CFAP54: variants seen among roughly 807,000 people sequenced by gnomAD.
CFAP54 encodes cilia- and flagella-associated protein 54.
In CFAP54, 290 loss-of-function variants were observed where a neutral mutation model predicts 370.4. The ratio of observed to expected loss-of-function variants is 0.78; its 90% CI spans 0.71 to 0.86. The LOEUF (loss-of-function observed/expected upper bound fraction) is 0.86, where lower values mean the gene tolerates loss of function less well. Ranked by LOEUF, CFAP54 falls within the 40% of genes least tolerant of loss-of-function variation. The pLI is 0.00. For missense variants in CFAP54, 3,399 were observed against 3,528.7 expected (o/e 0.96, Z 0.93); for synonymous variants, 1,206 against 1,236.5 (o/e 0.98, Z 0.52).
At position 96,513,597 on chromosome 12, in the gene CFAP54, C is replaced by T. The variant is rs565116473; in HGVS notation, c.798+553C>T. ...CTTTACAAAAAATACAAAAATTAGCCGGACCTGGTGGCACATGCCTGTAGT... is the reference window on the plus strand; with the variant it reads ...CTTTACAAAAAATACAAAAATTAGCTGGACCTGGTGGCACATGCCTGTAGT... On this transcript the variant is annotated intron_variant, in intron 5 of 67. Coordinates refer to ENST00000524981, the MANE Select transcript of CFAP54 (RefSeq NM_001306084.2). Among the ~76,000 whole-genome samples, 12 of 152,186 alleles carry T rather than the reference C, an allele frequency of 7.9e-5. No individual in the cohort carries two copies. The South Asian group carries it at 1.9e-3, about 24-fold the overall frequency.
chr12:96,765,618 G>C (rs1026996525), intron 60 of CFAP54, among the ~76,000 whole-genome samples: 1 of 152,104 alleles, frequency 6.6e-6, no homozygotes, highest in African/African-American at 2.4e-5. Context: ...ATATATGTTT[G>C]ATTATGTGTT....
chr12:96,673,280 C>T (rs1480844999), intron 39 of CFAP54, among the ~76,000 whole-genome samples: 1 of 152,170 alleles, frequency 6.6e-6, no homozygotes, highest in Non-Finnish European at 1.5e-5. Flanking sequence ...TTTAATTACT[C>T]AATCCTTGAG....
chr12:96,747,793 A>C (rs1323218751), intron 55 of CFAP54, among the ~76,000 whole-genome samples: 1 of 152,200 alleles, frequency 6.6e-6, no homozygotes, highest in Non-Finnish European at 1.5e-5. Flanking sequence ...ATATATTTGA[A>C]ATAATGAAAT....
intron 60 of CFAP54, 114 bp downstream of exon 60, chr12:96,765,332 G>A: frequency 2.0e-6 from 2 of 999,344 alleles, no homozygotes; most frequent in South Asian, 3.4e-5. Context: ...GATAATGTTT[G>A]GGGGCACTTC....
chr12:96,492,666 T>C (rs1293585423), intron 1 of CFAP54, among the ~76,000 whole-genome samples: 6 of 152,242 alleles, frequency 3.9e-5, no homozygotes, highest in Non-Finnish European at 8.8e-5. Flanking sequence ...TAATAAACAT[T>C]CAATAAATAT....
chr12:96,626,776 T>G, intron 29 of CFAP54, 37 bp from the exon 30 acceptor site: 1 of 1,178,384 alleles, frequency 8.5e-7, no homozygotes, highest in Non-Finnish European at 1.1e-6. Flanking sequence ...TAATTGAGTA[T>G]ATTGTTAACT....
At chr12:96,490,635 T>A (rs1592809347) in intron 1 of CFAP54, among the ~76,000 whole-genome samples, 2 of 152,084 alleles carry the variant, frequency 1.3e-5, no homozygotes, top group African/African-American at 4.8e-5. Context: ...GAGGTTGCAG[T>A]GAGCTGGGAT....
At chr12:96,742,412 G>T in intron 51 of CFAP54, 27 bp from the exon 52 acceptor site, 1 of 1,515,300 alleles carries the variant, frequency 6.6e-7, no homozygotes, top group Non-Finnish European at 9.1e-7. Context: ...TAAATGGAAA[G>T]ATAACCATCA....
chr12:96,594,352 A>G lies in CFAP54; in HGVS notation c.3422A>G (p.Asn1141Ser). The change falls in exon 25 of 68, where the codon AAT (asparagine) becomes AGT (serine). Residue 1141 changes from asparagine (N) to serine (S), a missense_variant. By Grantham distance (46) the Asn-to-Ser change is conservative. Around this residue, in one of 3 missense-constraint regions of CFAP54, gnomAD observed 2,796 missense variants for 2,869.7 expected, o/e 0.97. Coordinates refer to ENST00000524981, the MANE Select transcript of CFAP54 (RefSeq NM_001306084.2). ...LVALELSNFL[N>S]DSSYALQAVT... The stretch of plus-strand genomic sequence containing the variant: ...GCATTGGAACTTAGCAACTTCCTAA[A>G]TGATTCCAGCTATGCCCTTCAAGCT... 6.5e-7 allele frequency: 1 copy of G among 1,534,700 alleles called. No homozygotes were observed. The highest frequency in any genetic ancestry group is 2.4e-5 in the East Asian group (1 of 40,880).
At position 96,844,132 on chromosome 12, in the gene CFAP54, C is replaced by T. The variant is rs570614302; in HGVS notation, c.9171+15044C>T. ...CATGTTGTGGTAGGTTGAACAATGG[C>T]GCTCCACAGTGGTCCACATCCTAAC... On this transcript the variant is annotated intron_variant, in intron 66 of 67. Transcript: ENST00000524981. Among the ~76,000 whole-genome samples, 391 of 152,260 alleles carry T rather than the reference C, an allele frequency of 2.6e-3. 1 individual carries two copies. The highest frequency in any genetic ancestry group is 9.1e-3 in the African/African-American group (379 of 41,546).
At chr12:96,489,998 G>A (rs1954860690) in intron 1 of CFAP54, 72 bp downstream of exon 1, 1 of 1,375,756 alleles carries the variant, frequency 7.3e-7, no homozygotes, top group Non-Finnish European at 9.7e-7. Flanking sequence ...GGAGGATGCA[G>A]GTGGTGGCCC....
chr12:96,536,049 C>T (rs1273313744), intron 12 of CFAP54, among the ~76,000 whole-genome samples: 1 of 152,102 alleles, frequency 6.6e-6, no homozygotes, highest in African/African-American at 2.4e-5. Context: ...TCCTCAGAAA[C>T]CTAACTTTGT....
At chr12:96,809,003 A>G (rs1262872634) in intron 63 of CFAP54, among the ~76,000 whole-genome samples, 2 of 152,192 alleles carry the variant, frequency 1.3e-5, no homozygotes, top group Non-Finnish European at 2.9e-5. Context: ...GCTGACAGTT[A>G]TTTTCCCTGA....
At chr12:96,490,627 G>A (rs1414165061) in intron 1 of CFAP54, among the ~76,000 whole-genome samples, 1 of 152,106 alleles carries the variant, frequency 6.6e-6, no homozygotes, top group African/African-American at 2.4e-5. Context: ...GGGAGGCAGA[G>A]GTTGCAGTGA....
At chr12:96,614,109 C>A (rs1956390426) in intron 26 of CFAP54, among the ~76,000 whole-genome samples, 1 of 152,146 alleles carries the variant, frequency 6.6e-6, no homozygotes, top group African/African-American at 2.4e-5. Context: ...ATGTGAAAAT[C>A]CTCAATAAAA....
intron 66 of CFAP54, among the ~76,000 whole-genome samples, chr12:96,852,849 C>T (rs1422359927): frequency 6.6e-6 from 1 of 152,040 alleles, no homozygotes; most frequent in Non-Finnish European, 1.5e-5. Context: ...TCAACAGAGT[C>T]CTATACTTAA....
chr12:96,684,405 A>G (rs1957302415), intron 40 of CFAP54, among the ~76,000 whole-genome samples: 1 of 152,100 alleles, frequency 6.6e-6, no homozygotes, highest in Non-Finnish European at 1.5e-5. Flanking sequence ...TCTGAGTTTT[A>G]TTCCCATGAT....
At chr12:96,501,500 TGA>T (rs1367146321) in intron 2 of CFAP54, among the ~76,000 whole-genome samples, 1 of 152,232 alleles carries the variant, frequency 6.6e-6, no homozygotes, top group Non-Finnish European at 1.5e-5. Context: ...TAGTTCTACC[TGA>T]ATGTCTAGGG....
chr12:96,755,254 T>C (rs1162473114), intron 56 of CFAP54, among the ~76,000 whole-genome samples: 1 of 152,214 alleles, frequency 6.6e-6, no homozygotes, highest in Non-Finnish European at 1.5e-5. Context: ...TTATGGGGTA[T>C]AGTGTGACGT....
Sources: allele counts gnomAD v4.1 joint callset (sites outside exome capture counted in the v4.1 genomes callset), GRCh38; gene constraint gnomAD v4.1.1; regional missense constraint gnomAD v4.1.1; transcripts MANE v1.5; gene names NCBI Gene and HGNC (gene_info 2026-07-23, HGNC 2026-07-21).